The following MYO16 variants were observed in gnomAD, a reference collection of about 807,000 sequenced individuals.
MYO16 encodes the protein unconventional myosin-XVI.
MYO16 carries 94 observed loss-of-function variants against 205.3 expected under a neutral mutation model. The observed-to-expected ratio is 0.46, with a 90% confidence interval of 0.39 to 0.54. The LOEUF is 0.54. Ranked by LOEUF, MYO16 falls within the 20% of genes least tolerant of loss-of-function variation. The pLI is 0.00. For missense variants in MYO16, 2,315 were observed against 2,387.5 expected (o/e 0.97, Z 0.63); for synonymous variants, 988 against 954.0 (o/e 1.04, Z -0.66).
At chr13:108,601,386 A>G (rs551150169) in intron 1 of MYO16, among the ~76,000 whole-genome samples, 38 of 152,286 alleles carry the variant, frequency 2.5e-4, no homozygotes, top group African/African-American at 8.4e-4. Context: ...AAAAATGAGA[A>G]GGAACATAAT....
At chr13:109,089,450 G>A (rs7318521) in intron 27 of MYO16, among the ~76,000 whole-genome samples, 26,611 of 151,960 alleles carry the variant, frequency 0.18, 2,450 homozygotes, top group East Asian at 0.28. Context: ...CCTGACCTAA[G>A]GTGATCCACC....
At chr13:109,057,947 T>G (rs1026284301) in intron 27 of MYO16, among the ~76,000 whole-genome samples, 1 of 151,970 alleles carries the variant, frequency 6.6e-6, no homozygotes, top group African/African-American at 2.4e-5. Flanking sequence ...ACGTTACAAT[T>G]TGTTTAACTG....
At chr13:109,089,644 A>G (rs772310485) in intron 27 of MYO16, among the ~76,000 whole-genome samples, 3 of 152,230 alleles carry the variant, frequency 2.0e-5, no homozygotes, top group Non-Finnish European at 4.4e-5. Context: ...TAGAAACTAC[A>G]TTTGACTCAA....
Position 108,918,499 on chromosome 13 carries a change from G to A in MYO16, c.1925+8349G>A, listed in dbSNP as rs140343663. Among the ~76,000 whole-genome samples the A allele has an allele frequency of 7.5e-4, 114 of 152,326 alleles. 1 individual carries two copies. The highest frequency in any genetic ancestry group is 6.1e-3 in the Admixed American group (94 of 15,310). ...ACTGAGTCCTAGAGGTTAAGTAGCAGCCTGCTCAAGGTCAGGCAAGGCAGG... is the reference window on the plus strand; with the variant it reads ...ACTGAGTCCTAGAGGTTAAGTAGCAACCTGCTCAAGGTCAGGCAAGGCAGG... On this transcript the variant is annotated intron_variant, in intron 16 of 34. Transcript: ENST00000457511.
chr13:108,605,352 T>C (rs1232026347), intron 1 of MYO16, among the ~76,000 whole-genome samples: 2 of 152,160 alleles, frequency 1.3e-5, no homozygotes, highest in East Asian at 1.9e-4. Flanking sequence ...TCCCTTCCAA[T>C]GTCCAAGTAT....
intron 16 of MYO16, among the ~76,000 whole-genome samples, chr13:108,921,946 G>T (rs1443772332): frequency 1.3e-5 from 2 of 152,162 alleles, no homozygotes; most frequent in African/African-American, 2.4e-5. Flanking sequence ...AGTGTAGAAG[G>T]CTCCTTCCCA....
chr13:109,195,329 T>G (rs2139955536), intron 34 of MYO16, among the ~76,000 whole-genome samples: 1 of 152,282 alleles, frequency 6.6e-6, no homozygotes, highest in South Asian at 2.1e-4. Context: ...ATTGTATTGC[T>G]ATATAAATGA....
chr13:109,093,908 C>T (rs1253554613), intron 27 of MYO16, among the ~76,000 whole-genome samples: 2 of 152,156 alleles, frequency 1.3e-5, no homozygotes, highest in Admixed American at 6.5e-5. Flanking sequence ...GGGCTGGAAC[C>T]TCACACCCAG....
At chr13:108,997,163 T>C (rs1377927785) in intron 21 of MYO16, among the ~76,000 whole-genome samples, 2 of 151,732 alleles carry the variant, frequency 1.3e-5, no homozygotes, top group East Asian at 2.0e-4. Flanking sequence ...TGGTGGCACA[T>C]GCCTGTAGTC....
chr13:108,969,104 T>G (rs1033922046), intron 20 of MYO16, among the ~76,000 whole-genome samples: 8 of 152,188 alleles, frequency 5.3e-5, no homozygotes, highest in Non-Finnish European at 8.8e-5. Flanking sequence ...TGGATCTTTT[T>G]TTGTTGTTGT....
intron 22 of MYO16, among the ~76,000 whole-genome samples, chr13:109,015,153 T>TA (rs1324307926): frequency 1.3e-5 from 2 of 152,218 alleles, no homozygotes; most frequent in East Asian, 3.8e-4. Context: ...CCTAGTTTAT[T>TA]GAGAGTTTTT....
At chr13:108,850,996 A>G (rs1235137958) in intron 10 of MYO16, among the ~76,000 whole-genome samples, 1 of 152,186 alleles carries the variant, frequency 6.6e-6, no homozygotes, top group Non-Finnish European at 1.5e-5. Flanking sequence ...TGTTAGTACT[A>G]TTCATGTTTT....
intron 16 of MYO16, among the ~76,000 whole-genome samples, chr13:108,911,042 C>A: frequency 9.0e-6 from 1 of 110,806 alleles, no homozygotes; most frequent in East Asian, 7.1e-4. Flanking sequence ...AAAACACACA[C>A]ACACACACAC....
At chr13:108,809,702 C>A (rs1887226184) in intron 7 of MYO16, among the ~76,000 whole-genome samples, 1 of 152,236 alleles carries the variant, frequency 6.6e-6, no homozygotes. Context: ...GCTTCCAACA[C>A]TGGGGCTTGC....
intron 13 of MYO16, among the ~76,000 whole-genome samples, chr13:108,883,611 C>G (rs1391034322): frequency 6.6e-6 from 1 of 151,690 alleles, no homozygotes; most frequent in Non-Finnish European, 1.5e-5. Flanking sequence ...CCTTTGCTCA[C>G]AATTCACTGT....
At chr13:108,657,366 C>T (rs983316730) in intron 1 of MYO16, among the ~76,000 whole-genome samples, 3 of 152,066 alleles carry the variant, frequency 2.0e-5, no homozygotes, top group African/African-American at 7.2e-5. Context: ...AGATTTATAT[C>T]CTCCAAAAAT....
intron 4 of MYO16, among the ~76,000 whole-genome samples, chr13:108,759,728 G>A (rs898881526): frequency 7.2e-5 from 11 of 151,744 alleles, no homozygotes; most frequent in Non-Finnish European, 1.5e-4. Context: ...GGCTAAGGCA[G>A]GAGAATGGCG....
chr13:108,828,196 G>A lies in MYO16; in HGVS notation c.1097+4918G>A, dbSNP rs1876389957. Among the ~76,000 whole-genome samples, 6 of 152,136 alleles carry A rather than the reference G, an allele frequency of 3.9e-5. No individual in the cohort carries two copies. In the South Asian group the frequency reaches 1.2e-3, roughly 32 times the overall value. ...AGCTTCAAGAACATGACTCATGCCA[G>A]GCGTGTGCTAACTCTGTTATTGTTT... On this transcript the variant is annotated intron_variant, in intron 9 of 34. Coordinates refer to ENST00000457511, the MANE Select transcript of MYO16 (RefSeq NM_001198950.3).
At chr13:108,681,116 TG>T (rs1882443508) in intron 2 of MYO16, among the ~76,000 whole-genome samples, 1 of 152,240 alleles carries the variant, frequency 6.6e-6, no homozygotes, top group Admixed American at 6.5e-5. Flanking sequence ...CTAACGTGAA[TG>T]TGTTTTTCCA....
Sources: gnomAD v4.1 joint callset for allele counts (sites outside exome capture counted in the v4.1 genomes callset) on GRCh38, gnomAD v4.1.1 for gene constraint, MANE v1.5 for transcripts, NCBI Gene and HGNC (gene_info 2026-07-23, HGNC 2026-07-21) for gene names.